SLC19A3: variants seen among roughly 807,000 people sequenced by gnomAD.
SLC19A3 encodes thiamine transporter 2.
SLC19A3 carries 31 observed loss-of-function variants against 40.2 expected under a neutral mutation model. The observed-to-expected ratio is 0.77, with a 90% CI of 0.58 to 1.04. The LOEUF is 1.04. Among genes scored for constraint, SLC19A3 ranks in the 50% least tolerant of loss-of-function variants. SLC19A3 has a pLI of 0.00. For synonymous variants in SLC19A3, 212 were observed against 227.5 expected (o/e 0.93, Z 0.61); for missense variants, 592 against 596.7 (o/e 0.99, Z 0.08).
At chr2:227,701,933 G>A (rs1695711044) in intron 2 of SLC19A3, 6 of 482,216 alleles carry the variant, frequency 1.2e-5, no homozygotes, top group African/African-American at 3.9e-5. Flanking sequence ...ACAAATGTTA[G>A]GACTCTATGC....
intron 1 of SLC19A3, among the ~76,000 whole-genome samples, chr2:227,707,069 C>A (rs1342925653): frequency 6.6e-6 from 1 of 152,202 alleles, no homozygotes; most frequent in Non-Finnish European, 1.5e-5. Flanking sequence ...GGTCTCCCTG[C>A]TGCACCTGCA....
At chr2:227,712,615 T>C (rs1696180834) in intron 1 of SLC19A3, among the ~76,000 whole-genome samples, 1 of 152,198 alleles carries the variant, frequency 6.6e-6, no homozygotes, top group Non-Finnish European at 1.5e-5. Context: ...GAAAATCATT[T>C]GGCAATCTAT....
chr2:227,713,374 G>A (rs541986592), intron 1 of SLC19A3, among the ~76,000 whole-genome samples: 6 of 145,046 alleles, frequency 4.1e-5, no homozygotes, highest in Admixed American at 2.9e-4. Flanking sequence ...TGCATTCCAG[G>A]TTGGGCTGGA....
At chr2:227,691,007 C>T (rs1231328477) in intron 4 of SLC19A3, among the ~76,000 whole-genome samples, 1 of 152,026 alleles carries the variant, frequency 6.6e-6, no homozygotes, top group Non-Finnish European at 1.5e-5. Context: ...AAGGATAAAC[C>T]ATGTTAGGTT....
chr2:227,701,082 G>A, intron 2 of SLC19A3: 1 of 1,302,800 alleles, frequency 7.7e-7, no homozygotes, highest in Non-Finnish European at 1.0e-6. Context: ...TCTGTCCTTT[G>A]TTGTCTTAAT....
At position 227,699,052 on chromosome 2, in the gene SLC19A3, G is replaced by C; in HGVS notation, c.663C>G (p.His221Gln). The part of the protein sequence containing the change: ...SSVNPVLEET[H>Q]EGEAPGCEEQ... The stretch of plus-strand genomic sequence containing the variant: ...CTTCACAGCCTGGTGCTTCACCTTC[G>C]TGAGTTTCCTCTAATACTGGATTCA... Residue 221 changes from histidine (H) to glutamine (Q), a missense_variant, in exon 3 of 6, where the codon CAC becomes CAG. His to Gln is a conservative substitution (Grantham distance 24, BLOSUM62 0). Transcript: ENST00000644224. 2 of 1,614,170 alleles carry C rather than the reference G, an allele frequency of 1.2e-6. No homozygotes were observed. The highest frequency in any genetic ancestry group is 1.3e-5 in the African/African-American group (1 of 75,042).
intron 4 of SLC19A3, among the ~76,000 whole-genome samples, chr2:227,689,308 G>A (rs1019507112): frequency 2.6e-5 from 4 of 152,138 alleles, no homozygotes; most frequent in African/African-American, 9.7e-5. Flanking sequence ...CTACTTAGAG[G>A]TATTTAATAA....
chr2:227,698,234 C>A (rs776106776), intron 3 of SLC19A3, among the ~76,000 whole-genome samples: 3 of 151,866 alleles, frequency 2.0e-5, no homozygotes, highest in Non-Finnish European at 4.4e-5. Flanking sequence ...GATCTAGGCT[C>A]ACTGCAAGCT....
In SLC19A3 at chr2:227,699,274, C is replaced by A. The variant is rs760412776; in HGVS notation, c.441G>T (p.Thr147=). Residue 147 remains threonine, a synonymous_variant, in exon 3 of 6, where the codon ACG becomes ACT. Transcript: ENST00000644224. ...QRVSGYCRSV[T]LAAYTAGSVL... ...CCGACCCTGCTGTGTAGGCGGCCAG[C>A]GTGACGCTCCTGCAGTAGCCGCTCA... is the stretch of plus-strand genomic sequence containing the variant. The A allele has an allele frequency of 6.8e-6, 11 of 1,614,052 alleles. No individual in the cohort carries two copies. The highest frequency in any genetic ancestry group is 9.3e-6 in the Non-Finnish European group (11 of 1,179,952).
At chr2:227,700,335 G>A (rs1192712808) in intron 2 of SLC19A3, among the ~76,000 whole-genome samples, 2 of 151,270 alleles carry the variant, frequency 1.3e-5, no homozygotes, top group Non-Finnish European at 1.5e-5. Flanking sequence ...TCAGGAGTTC[G>A]AGACCAGCCT....
chr2:227,706,826 G>A (rs1459829081), intron 1 of SLC19A3: 1 of 152,370 alleles, frequency 6.6e-6, no homozygotes, highest in East Asian at 1.9e-4. Flanking sequence ...AGGCTCTCAC[G>A]ATTTGAAACA....
rs1257911380 is a variant in SLC19A3 at position 227,698,784 on chromosome 2, C to A, written c.931G>T (p.Asp311Tyr). ...ACGGCCCCATTATAGATGGAAGAAT[C>A]TTGGGATGGCGCCTTGTAATCCCAC... The part of the protein sequence containing the change: ...ILWDYKAPSQ[D>Y]SSIYNGAVEA... Residue 311 changes from aspartate to tyrosine, a missense_variant, in exon 3 of 6, where the codon GAT (aspartate) becomes TAT (tyrosine). Physicochemically the swap from Asp to Tyr is radical, Grantham distance 160. Transcript: ENST00000644224. 6.2e-7 allele frequency: 1 copy of A among 1,614,156 alleles called. No homozygotes were observed. Among genetic ancestry groups the A allele is most frequent in the African/African-American group, 1.3e-5 (1 of 75,050 alleles).
chr2:227,699,067 T>C lies in SLC19A3; in HGVS notation c.648A>G (p.Val216=). The change falls in exon 3 of 6, where the codon GTA becomes GTG. Residue 216 remains valine (V), a synonymous_variant. Coordinates refer to ENST00000644224, the MANE Select transcript of SLC19A3 (RefSeq NM_025243.4). The part of the protein sequence containing the change: ...EIKKSSSVNP[V]LEETHEGEAP... Reference sequence around the variant, plus strand: ...CTTCACCTTCGTGAGTTTCCTCTAATACTGGATTCACGCTTGATGACTTCT... The same window carrying C: ...CTTCACCTTCGTGAGTTTCCTCTAACACTGGATTCACGCTTGATGACTTCT... 1.2e-6 allele frequency: 2 copies of C among 1,614,224 alleles called. No individual in the cohort carries two copies. The highest frequency in any genetic ancestry group is 1.7e-6 in the Non-Finnish European group (2 of 1,180,038).
At chr2:227,698,124 A>G (rs1265631550) in intron 3 of SLC19A3, among the ~76,000 whole-genome samples, 2 of 152,074 alleles carry the variant, frequency 1.3e-5, no homozygotes, top group East Asian at 3.9e-4. Context: ...AGAAAGTCAC[A>G]GTATTCTTAT....
chr2:227,707,051 C>T (rs1007704191), intron 1 of SLC19A3, among the ~76,000 whole-genome samples: 10 of 152,228 alleles, frequency 6.6e-5, no homozygotes, highest in Admixed American at 4.6e-4. Flanking sequence ...CTACAGTGAC[C>T]CTGGGCGGGT....
Position 227,695,965 on chromosome 2 carries a change from T to C in SLC19A3, c.1096A>G (p.Thr366Ala), listed in dbSNP as rs201784334. The stretch of plus-strand genomic sequence containing the variant: ...GCATAGCACGCCCAGATATTGGCTG[T>C]GTAATGCATGAGAAATAAAGAACCG... The part of the protein sequence containing the change: ...NAGSLFLMHY[T>A]ANIWACYAGY... The change falls in exon 4 of 6, where the codon ACA becomes GCA. Residue 366 changes from threonine to alanine, a missense_variant. By Grantham distance (58) the Thr-to-Ala change is moderately conservative. Coordinates refer to ENST00000644224, the MANE Select transcript of SLC19A3 (RefSeq NM_025243.4). 6.2e-7 allele frequency: 1 copy of C among 1,614,100 alleles called. No homozygotes were observed. Among genetic ancestry groups the C allele is most frequent in the Non-Finnish European group, 8.5e-7 (1 of 1,180,036 alleles).
Position 227,687,406 on chromosome 2 carries a change from T to G in SLC19A3, c.1482A>C (p.Thr494=). ...GTTTGTTGCGATGAGGTTAGAGTTT[T>G]GTTGACATGATGATATTACTCTCTT... ...PEEESNIIMS[T]KL The change falls in exon 6 of 6, where the codon ACA becomes ACC. Residue 494 remains threonine, a synonymous_variant. Coordinates refer to ENST00000644224, the MANE Select transcript of SLC19A3 (RefSeq NM_025243.4). 6.2e-7 allele frequency: 1 copy of G among 1,607,880 alleles called. No homozygotes were observed. Among genetic ancestry groups the G allele is most frequent in the Non-Finnish European group, 8.5e-7 (1 of 1,175,776 alleles).
Position 227,699,262 on chromosome 2 carries a change from G to A in SLC19A3, c.453C>T (p.Tyr151=), listed in dbSNP as rs1376035390. 4 of 1,613,968 alleles carry A rather than the reference G, an allele frequency of 2.5e-6. No homozygotes were observed. The African/African-American group carries it at 5.3e-5, about 22-fold the overall frequency. Residue 151 remains tyrosine (Y), a synonymous_variant, in exon 3 of 6, where the codon TAC becomes TAT. Coordinates refer to ENST00000644224, the MANE Select transcript of SLC19A3 (RefSeq NM_025243.4). Reference sequence around the variant, plus strand: ...GTTGAGCCAGCACCGACCCTGCTGTGTAGGCGGCCAGCGTGACGCTCCTGC... The same window carrying A: ...GTTGAGCCAGCACCGACCCTGCTGTATAGGCGGCCAGCGTGACGCTCCTGC... ...GYCRSVTLAA[Y]TAGSVLAQLL...
chr2:227,690,513 C>T (rs1695180959), intron 4 of SLC19A3, among the ~76,000 whole-genome samples: 1 of 151,794 alleles, frequency 6.6e-6, no homozygotes, highest in African/African-American at 2.4e-5. Context: ...CAAGGCCATC[C>T]TGGCTAACAC....
Sources: gnomAD v4.1 joint callset for allele counts (sites outside exome capture counted in the v4.1 genomes callset) on GRCh38, gnomAD v4.1.1 for gene constraint, MANE v1.5 for transcripts, NCBI Gene and HGNC (gene_info 2026-07-23, HGNC 2026-07-21) for gene names.